The following GABARAP variants were observed in gnomAD, a reference collection of about 807,000 sequenced individuals.
GABARAP encodes gamma-aminobutyric acid receptor-associated protein.
GABARAP carries 5 observed loss-of-function variants against 16.7 expected under a neutral mutation model. The observed-to-expected ratio is 0.30, with a 90% confidence interval of 0.16 to 0.63. GABARAP has a LOEUF of 0.63. Ranked by LOEUF, GABARAP falls within the 20% of genes least tolerant of loss-of-function variation. The pLI, the probability that GABARAP is intolerant of heterozygous loss-of-function variation, is 0.82. For missense variants in GABARAP, 84 were observed against 146.6 expected (o/e 0.57, Z 2.21); for synonymous variants, 45 against 52.7 (o/e 0.85, Z 0.64).
Position 7,242,385 on chromosome 17 carries a change from G to A in GABARAP, c.-55C>T. ...GGCTGAGGGAACCCAGGGGGGCCGG[G>A]ACGGGGGGCGGCGACGACGGCGGCG... is the stretch of plus-strand genomic sequence containing the variant. On this transcript the variant is annotated 5_prime_UTR_variant, in exon 1 of 4. Transcript: ENST00000302386. The A allele has an allele frequency of 1.5e-6, 2 of 1,370,652 alleles. No homozygotes were observed. The highest frequency in any genetic ancestry group is 2.1e-6 in the Non-Finnish European group (2 of 967,938). 84.9% of individuals were successfully genotyped at this position (1,370,652 alleles called of 1,614,324 possible). A position where few individuals can be genotyped will look rare whatever the true frequency, so the allele number is the denominator to read the frequency against.
At chr17:7,241,273 A>C (rs765974757) in intron 3 of GABARAP, 69 bp downstream of exon 3, 8 of 839,920 alleles carry the variant, frequency 9.5e-6, no homozygotes, top group Admixed American at 1.8e-5. Flanking sequence ...TGATGTAACA[A>C]CACTTTCTTC....
intron 1 of GABARAP, 48 bp downstream of exon 1, chr17:7,242,193 G>A (rs773766349): frequency 7.3e-7 from 1 of 1,361,886 alleles, no homozygotes; most frequent in Non-Finnish European, 1.1e-6. Flanking sequence ...CCAGGCTGTG[G>A]CGTCAGCGTA....
Position 7,240,774 on chromosome 17 carries a change from G to C in GABARAP, c.*80C>G, listed in dbSNP as rs2071767745. The C allele has an allele frequency of 2.2e-6, 2 of 899,076 alleles. No individual in the cohort carries two copies. Among genetic ancestry groups the C allele is most frequent in the Non-Finnish European group, 3.7e-6 (2 of 536,852 alleles). 55.7% of individuals were successfully genotyped at this position (899,076 alleles called of 1,614,324 possible). On this transcript the variant is annotated 3_prime_UTR_variant, in exon 4 of 4. Coordinates refer to ENST00000302386, the MANE Select transcript of GABARAP (RefSeq NM_007278.2). ...AATAAGGGAGGTGGTGTTTGAGCTT[G>C]AAGGAGGAGGAGGTCAAGAAAGGGG... is the stretch of plus-strand genomic sequence containing the variant.
chr17:7,240,695 C>A lies in GABARAP; in HGVS notation c.*159G>T. 1.7e-6 allele frequency: 1 copy of A among 605,472 alleles called. No individual in the cohort carries two copies. Among genetic ancestry groups the A allele is most frequent in the Admixed American group, 3.0e-5 (1 of 33,202 alleles). The allele number at this position is 605,472 out of a possible 1,614,324, so 37.5% of individuals were successfully genotyped here. A position where few individuals can be genotyped will look rare whatever the true frequency, so the allele number is the denominator to read the frequency against. On this transcript the variant is annotated 3_prime_UTR_variant, in exon 4 of 4. Transcript: ENST00000302386. ...ACAAGATGCCAACTCCACCATTACC[C>A]CTCCTAAGAGAGGCTGGAGAGAAAG...
At position 7,240,896 on chromosome 17, in the gene GABARAP, A is replaced by T. The variant is rs1158785069; in HGVS notation, c.312T>A (p.Phe104Leu). 1 of 1,613,156 alleles carries T rather than the reference A, an allele frequency of 6.2e-7. No homozygotes were observed. Among genetic ancestry groups the T allele is most frequent in the Admixed American group, 1.7e-5 (1 of 60,018 alleles). ...LYQEHHEEDF[F>L]LYIAYSDESV... ...TTTCGTCACTGTAGGCAATGTAGAG[A>T]AAGAAGTCTTCTTCATGGTGTTCCT... The change falls in exon 4 of 4, where the codon TTT becomes TTA. Residue 104 changes from phenylalanine (F) to leucine (L), a missense_variant. Transcript: ENST00000302386.
intron 1 of GABARAP, 117 bp from the exon 2 acceptor site, chr17:7,241,796 TC>T (rs1325654022): frequency 1.3e-6 from 1 of 751,328 alleles, no homozygotes; most frequent in Non-Finnish European, 2.4e-6. Context: ...CATCTCTTTG[TC>T]TTTGTACACG....
intron 2 of GABARAP, 57 bp downstream of exon 2, chr17:7,241,544 C>T: frequency 7.2e-7 from 1 of 1,386,592 alleles, no homozygotes; most frequent in Non-Finnish European, 1.0e-6. Flanking sequence ...CCTCCTCCCG[C>T]AGAGACTGCA....
rs1256011648 is a variant in GABARAP, at chr17:7,241,428, T to C, written c.202A>G (p.Ile68Val). The change falls in exon 3 of 4, where the codon ATT becomes GTT. Residue 68 changes from isoleucine to valine, a missense_variant. By Grantham distance (29) the Ile-to-Val change is conservative. Coordinates refer to ENST00000302386, the MANE Select transcript of GABARAP (RefSeq NM_007278.2). ...GQFYFLIRKR[I>V]HLRAEDALFF... ...AAGGCATCCTCAGCTCGGAGATGAA[T>C]TCGCTTCCGGATCAAGAAGTAGAAC... 6.2e-7 allele frequency: 1 copy of C among 1,600,182 alleles called. No individual in the cohort carries two copies. The highest frequency in any genetic ancestry group is 1.1e-5 in the South Asian group (1 of 90,826).
In GABARAP at chr17:7,240,805, CCT is replaced by C. The variant is rs1161357174; in HGVS notation, c.*47_*48del. 1.5e-6 allele frequency: 2 copies of C among 1,308,606 alleles called. No individual in the cohort carries two copies. The highest frequency in any genetic ancestry group is 3.4e-5 in the Admixed American group (2 of 58,686). The allele number at this position is 1,308,606 out of a possible 1,614,324, so 81.1% of individuals were successfully genotyped here. ...GGAGGAGGTCAAGAAAGGGGGGCCA[CCT>C]CTCTCTTTGTAGAATGAGACCCCCC... On this transcript the variant is annotated 3_prime_UTR_variant, in exon 4 of 4. Transcript: ENST00000302386.
Position 7,241,943 on chromosome 17 carries a change from A to G in GABARAP, c.91-264T>C, listed in dbSNP as rs1388677833. The G allele has an allele frequency of 1.3e-5, 8 of 594,928 alleles. No individual in the cohort carries two copies. The African/African-American group carries it at 1.5e-4, about 11-fold the overall frequency. 36.9% of individuals were successfully genotyped at this position (594,928 alleles called of 1,614,324 possible). Reference sequence around the variant, plus strand: ...CGGAGGTGACTTGTTTGGGTCGACTAGTGATTCAATCTCGCAACCTTAGCT... The same window carrying G: ...CGGAGGTGACTTGTTTGGGTCGACTGGTGATTCAATCTCGCAACCTTAGCT... On this transcript the variant is annotated intron_variant, in intron 1 of 3. Transcript: ENST00000302386.
At chr17:7,241,717 C>T in intron 1 of GABARAP, 38 bp from the exon 2 acceptor site, 1 of 1,264,554 alleles carries the variant, frequency 7.9e-7, no homozygotes, top group Non-Finnish European at 1.2e-6. Context: ...AGAAGGAATG[C>T]AGCCCCGAAG....
At position 7,242,376 on chromosome 17, in the gene GABARAP, G is replaced by C. The variant is rs769635049; in HGVS notation, c.-46C>G. 14 of 1,458,686 alleles carry C rather than the reference G, an allele frequency of 9.6e-6. No individual in the cohort carries two copies. Among genetic ancestry groups the C allele is most frequent in the Admixed American group, 3.5e-5 (2 of 57,574 alleles). 90.4% of individuals were successfully genotyped at this position (1,458,686 alleles called of 1,614,324 possible). ...ACAGGGCTGGGCTGAGGGAACCCAGGGGGGCCGGGACGGGGGGCGGCGACG... is the reference window on the plus strand; with the variant it reads ...ACAGGGCTGGGCTGAGGGAACCCAGCGGGGCCGGGACGGGGGGCGGCGACG... On this transcript the variant is annotated 5_prime_UTR_variant, in exon 1 of 4. Transcript: ENST00000302386.
chr17:7,240,428 G>A lies in GABARAP; in HGVS notation c.*426C>T, dbSNP rs2071763899. On this transcript the variant is annotated 3_prime_UTR_variant, in exon 4 of 4. Coordinates refer to ENST00000302386, the MANE Select transcript of GABARAP (RefSeq NM_007278.2). ...ACAAGGCAAAATTCAGTTCAGCTTG[G>A]TGGTTTCCTCTTTATTGATGTGCCT... 1 of 167,138 alleles carries A rather than the reference G, an allele frequency of 6.0e-6. No homozygotes were observed. Among genetic ancestry groups the A allele is most frequent in the Non-Finnish European group, 1.3e-5 (1 of 76,020 alleles). 10.4% of individuals were successfully genotyped at this position (167,138 alleles called of 1,614,324 possible). A position where few individuals can be genotyped will look rare whatever the true frequency, so the allele number is the denominator to read the frequency against.
chr17:7,240,977 C>T (rs1741454899), intron 3 of GABARAP, 58 bp from the exon 4 acceptor site: 2 of 1,091,640 alleles, frequency 1.8e-6, no homozygotes, highest in Non-Finnish European at 2.8e-6. Flanking sequence ...AAACCAACCA[C>T]GACCCAGACA....
Position 7,240,884 on chromosome 17 carries a change from G to A in GABARAP, c.324C>T (p.Ala108=), listed in dbSNP as rs200698534. The A allele has an allele frequency of 5.6e-6, 9 of 1,613,050 alleles. No individual in the cohort carries two copies. The highest frequency in any genetic ancestry group is 5.9e-6 in the Non-Finnish European group (7 of 1,179,106). The change falls in exon 4 of 4, where the codon GCC becomes GCT. Residue 108 remains alanine (A), a synonymous_variant. Coordinates refer to ENST00000302386, the MANE Select transcript of GABARAP (RefSeq NM_007278.2). ...GACCGTAGACACTTTCGTCACTGTA[G>A]GCAATGTAGAGAAAGAAGTCTTCTT... ...HHEEDFFLYI[A]YSDESVYGL
At chr17:7,241,993 C>T in intron 1 of GABARAP, 1 of 597,090 alleles carries the variant, frequency 1.7e-6, no homozygotes. Context: ...CCATTTGAAG[C>T]TCAGGCTGTC....
rs747408184 is a variant in GABARAP at position 7,241,307 on chromosome 17, T to G, written c.288+35A>C. The G allele has an allele frequency of 8.1e-6, 8 of 989,122 alleles. No homozygotes were observed. In the African/African-American group the frequency reaches 1.1e-4, roughly 14 times the overall value. 61.3% of individuals were successfully genotyped at this position (989,122 alleles called of 1,614,324 possible). On this transcript the variant is annotated intron_variant, in intron 3 of 3. Coordinates refer to ENST00000302386, the MANE Select transcript of GABARAP (RefSeq NM_007278.2). ...TCCCCTCACGCTCTTCCAAGATTCC[T>G]CTCCAAAGCCTCCACCACTTCCCAG...
At chr17:7,241,972 TG>T (rs1455460387) in intron 1 of GABARAP, 3 of 595,674 alleles carry the variant, frequency 5.0e-6, no homozygotes, top group Middle Eastern at 4.4e-4. Context: ...CTTAGCTAGC[TG>T]GGGGGATGAC....
At chr17:7,242,173 C>CA (rs58574748) in intron 1 of GABARAP, 68 bp downstream of exon 1, 948,791 of 1,227,002 alleles carry the variant, frequency 0.77, 369,047 homozygotes, top group African/African-American at 0.95. Context: ...CTGCCTGTCC[C>CA]GATCCAAGGC....
Sources: gnomAD v4.1 joint callset for allele counts on GRCh38, gnomAD v4.1.1 for gene constraint, MANE v1.5 for transcripts, NCBI Gene and HGNC (gene_info 2026-07-23, HGNC 2026-07-21) for gene names.